The following EXOC4 variants were observed in gnomAD, a reference collection of about 807,000 sequenced individuals.
EXOC4 encodes SEC8-like 1.
EXOC4 carries 71 observed loss-of-function variants against 107.2 expected under a neutral mutation model. The observed-to-expected ratio is 0.66, with a 90% CI of 0.55 to 0.81. The LOEUF is 0.81. EXOC4 is among the 30% of genes least tolerant of loss of function. The probability of loss-of-function intolerance (pLI) is 0.00; values close to 1 mark genes in which losing one functional copy is unlikely to be tolerated. For missense variants in EXOC4, 1,108 were observed against 1,189.6 expected (o/e 0.93, Z 1.01); for synonymous variants, 456 against 441.2 (o/e 1.03, Z -0.42).
chr7:133,413,909 T>C (rs146778350), intron 7 of EXOC4, among the ~76,000 whole-genome samples: 5 of 152,016 alleles, frequency 3.3e-5, no homozygotes, highest in African/African-American at 1.2e-4. Flanking sequence ...GGGACATACT[T>C]TCATGACAGT....
At chr7:134,093,923 G>T in the EXOC4 span, among the ~76,000 whole-genome samples, 1 of 152,276 alleles carries the variant, frequency 6.6e-6, no homozygotes, top group Admixed American at 6.5e-5. Flanking sequence ...AGCAAAAGCA[G>T]TGTTAAGAGG....
intron 7 of EXOC4, among the ~76,000 whole-genome samples, chr7:133,442,067 T>A (rs1315000447): frequency 6.6e-6 from 1 of 152,224 alleles, no homozygotes; most frequent in Non-Finnish European, 1.5e-5. Context: ...CTTACAAGGC[T>A]TGCCATAAAC....
At chr7:133,349,728 T>C (rs1265448157) in intron 5 of EXOC4, among the ~76,000 whole-genome samples, 2 of 152,186 alleles carry the variant, frequency 1.3e-5, no homozygotes, top group Non-Finnish European at 2.9e-5. Flanking sequence ...TTTTTAATTT[T>C]TTGAGGAACC....
intron 17 of EXOC4, among the ~76,000 whole-genome samples, chr7:134,057,331 G>A (rs1795952988): frequency 6.6e-6 from 1 of 150,840 alleles, no homozygotes; most frequent in Non-Finnish European, 1.5e-5. Flanking sequence ...GTCCTGATCA[G>A]AACAAAAACC....
chr7:133,608,772 C>T (rs1009508779), intron 9 of EXOC4, among the ~76,000 whole-genome samples: 7 of 151,948 alleles, frequency 4.6e-5, no homozygotes, highest in Non-Finnish European at 7.4e-5. Flanking sequence ...TGGTCTCGAT[C>T]TCCTGACCTC....
intron 11 of EXOC4, among the ~76,000 whole-genome samples, chr7:133,868,544 G>A (rs960679228): frequency 6.6e-6 from 1 of 152,184 alleles, no homozygotes; most frequent in Non-Finnish European, 1.5e-5. Flanking sequence ...GGGATCTAGA[G>A]ATCTGACTAC....
intron 11 of EXOC4, among the ~76,000 whole-genome samples, chr7:133,865,552 C>T (rs1205507889): frequency 2.0e-5 from 3 of 152,138 alleles, no homozygotes; most frequent in Non-Finnish European, 4.4e-5. Context: ...TCTGTTCTCA[C>T]ACTGCTATAA....
rs1353382166 is a variant in EXOC4, at chr7:133,372,252, CA to C, written c.1008-2575del. ...CTGTGGGTTTTATTAAATAATATGACACCGTTGTGCTTCGGTAAGGCGGAAG... is the reference window on the plus strand; with the variant it reads ...CTGTGGGTTTTATTAAATAATATGACCCGTTGTGCTTCGGTAAGGCGGAAG... On this transcript the variant is annotated intron_variant, in intron 6 of 17. Coordinates refer to ENST00000253861, the MANE Select transcript of EXOC4 (RefSeq NM_021807.4). 2.0e-5 allele frequency among the ~76,000 whole-genome samples: 3 copies of C among 152,182 alleles called. No homozygotes were observed. The East Asian group carries it at 5.8e-4, about 29-fold the overall frequency.
chr7:133,711,843 C>T (rs1794899049), intron 10 of EXOC4, among the ~76,000 whole-genome samples: 1 of 152,138 alleles, frequency 6.6e-6, no homozygotes, highest in South Asian at 2.1e-4. Context: ...GACTGTAGTA[C>T]TCACTGTCTT....
chr7:134,084,693 G>A, the EXOC4 span, among the ~76,000 whole-genome samples: 3 of 132,208 alleles, frequency 2.3e-5, no homozygotes, highest in Admixed American at 2.3e-4. Context: ...TTCTGGAAAA[G>A]CATTTGGTGC....
intron 10 of EXOC4, among the ~76,000 whole-genome samples, chr7:133,804,428 T>TA (rs951423678): frequency 3.0e-4 from 46 of 152,236 alleles, no homozygotes; most frequent in Admixed American, 1.0e-3. Flanking sequence ...ATAGTAAACT[T>TA]AAGAGTGTGA....
At chr7:133,543,266 T>G (rs1800416304) in intron 9 of EXOC4, among the ~76,000 whole-genome samples, 1 of 152,100 alleles carries the variant, frequency 6.6e-6, no homozygotes, top group Admixed American at 6.6e-5. Flanking sequence ...TAAGGCAAAT[T>G]TTTAGGTTTC....
intron 11 of EXOC4, among the ~76,000 whole-genome samples, chr7:133,853,320 T>A (rs1798274814): frequency 7.1e-6 from 1 of 141,366 alleles, no homozygotes; most frequent in Non-Finnish European, 1.5e-5. Flanking sequence ...TCCCTCTCTT[T>A]CTGTCTCTCT....
intron 11 of EXOC4, among the ~76,000 whole-genome samples, chr7:133,846,128 G>A (rs1337816258): frequency 6.6e-6 from 1 of 152,008 alleles, no homozygotes; most frequent in African/African-American, 2.4e-5. Flanking sequence ...AAAAAATAAG[G>A]GATAAAGTGA....
chr7:133,300,415 C>T (rs956523129), intron 3 of EXOC4, among the ~76,000 whole-genome samples: 5 of 152,114 alleles, frequency 3.3e-5, no homozygotes, highest in Non-Finnish European at 5.9e-5. Context: ...CCATAGATCC[C>T]GCAAGAGTCC....
chr7:133,300,978 T>C (rs755328449), intron 3 of EXOC4, among the ~76,000 whole-genome samples: 16 of 152,186 alleles, frequency 1.1e-4, no homozygotes, highest in Non-Finnish European at 2.9e-5. Context: ...TGTAGCAATG[T>C]AGAAATAGTT....
intron 14 of EXOC4, among the ~76,000 whole-genome samples, chr7:133,977,398 G>A (rs970387120): frequency 6.6e-5 from 10 of 152,096 alleles, no homozygotes; most frequent in Non-Finnish European, 1.3e-4. Context: ...CAAAAAAAAA[G>A]ATACTAGAGT....
intron 4 of EXOC4, among the ~76,000 whole-genome samples, chr7:133,312,387 G>A (rs1055114445): frequency 2.0e-5 from 3 of 152,242 alleles, no homozygotes; most frequent in African/African-American, 4.8e-5. Flanking sequence ...TATAGAAAAT[G>A]TCAGACAGAT....
At chr7:134,025,454 A>C (rs369965839) in intron 17 of EXOC4, among the ~76,000 whole-genome samples, 2 of 152,220 alleles carry the variant, frequency 1.3e-5, no homozygotes, top group East Asian at 3.8e-4. Context: ...TAAAACAACA[A>C]CCATTATATG....
Sources: gnomAD v4.1 joint callset for allele counts (sites outside exome capture counted in the v4.1 genomes callset) on GRCh38, gnomAD v4.1.1 for gene constraint, MANE v1.5 for transcripts, NCBI Gene and HGNC (gene_info 2026-07-23, HGNC 2026-07-21) for gene names.